Variants in WHRN observed in about 807,000 individuals in gnomAD.
The protein encoded by WHRN is whirlin, also known as CASK-interacting protein CIP98.
WHRN carries 41 observed loss-of-function variants against 68.3 expected under a neutral mutation model. The observed-to-expected ratio is 0.60, with a 90% CI of 0.47 to 0.78. The LOEUF is 0.78. Among genes scored for constraint, WHRN ranks in the 30% least tolerant of loss-of-function variants. The pLI, the probability that WHRN is intolerant of heterozygous loss-of-function variation, is 0.00. For synonymous variants in WHRN, 560 were observed against 561.3 expected (o/e 1.00, Z 0.03); for missense variants, 1,243 against 1,244.7 (o/e 1.00, Z 0.02).
At chr9:114,503,559 A>G (rs1844121105) in intron 1 of WHRN, 1 of 152,612 alleles carries the variant, frequency 6.6e-6, no homozygotes, top group South Asian at 2.1e-4. Context: ...CTCAGGGGCT[A>G]GGGAATTTAT....
chr9:114,448,397 C>T (rs1246393941), intron 3 of WHRN, among the ~76,000 whole-genome samples: 1 of 152,018 alleles, frequency 6.6e-6, no homozygotes, highest in East Asian at 1.9e-4. Flanking sequence ...ACTTCTGGCC[C>T]CCATAACTGA....
chr9:114,430,187 C>G (rs1804322743), intron 3 of WHRN, among the ~76,000 whole-genome samples: 2 of 152,084 alleles, frequency 1.3e-5, no homozygotes, highest in Non-Finnish European at 2.9e-5. Context: ...TGGGTCCAGG[C>G]CAGGAGGGCA....
At chr9:114,492,363 AAAAC>A (rs1249113502) in intron 1 of WHRN, among the ~76,000 whole-genome samples, 1 of 152,256 alleles carries the variant, frequency 6.6e-6, no homozygotes, top group Non-Finnish European at 1.5e-5. Context: ...ATAATATTAA[AAAAC>A]AAACTGTCTA....
At chr9:114,495,849 C>A (rs1367466803) in intron 1 of WHRN, among the ~76,000 whole-genome samples, 2 of 152,158 alleles carry the variant, frequency 1.3e-5, no homozygotes, top group East Asian at 1.9e-4. Flanking sequence ...CCAAACACTA[C>A]AAAGGATGCC....
At chr9:114,426,100 G>T (rs746569160) in intron 4 of WHRN, 111 bp downstream of exon 4, 103 of 1,393,388 alleles carry the variant, frequency 7.4e-5, no homozygotes, top group Non-Finnish European at 1.0e-4. Context: ...CTGGTGTGGG[G>T]ACTGCAGGCT....
intron 1 of WHRN, chr9:114,503,164 T>G: frequency 2.0e-6 from 2 of 985,534 alleles, no homozygotes; most frequent in Non-Finnish European, 2.4e-6. Flanking sequence ...CTCTGCTGCC[T>G]AGGAGTTTCC....
intron 9 of WHRN, among the ~76,000 whole-genome samples, chr9:114,405,103 C>G (rs1488621299): frequency 7.8e-6 from 1 of 127,990 alleles, no homozygotes; most frequent in Admixed American, 8.9e-5. Context: ...GAGACAGATT[C>G]TCACTCTGTC....
chr9:114,503,204 C>G (rs1404208918), intron 1 of WHRN: 1 of 985,356 alleles, frequency 1.0e-6, no homozygotes, highest in African/African-American at 1.7e-5. Context: ...AGCTGGAGTT[C>G]AAAACACCTG....
At chr9:114,484,895 G>C (rs959123035) in intron 1 of WHRN, among the ~76,000 whole-genome samples, 2 of 152,192 alleles carry the variant, frequency 1.3e-5, no homozygotes, top group African/African-American at 4.8e-5. Context: ...ATGATTCTCT[G>C]CTTAGCAGAG....
chr9:114,494,850 C>T (rs1267372822), intron 1 of WHRN, among the ~76,000 whole-genome samples: 1 of 139,252 alleles, frequency 7.2e-6, no homozygotes, highest in African/African-American at 2.5e-5. Context: ...TATTATCATA[C>T]AATGAGCAAC....
chr9:114,424,601 G>A lies in WHRN; in HGVS notation c.1204-55C>T, dbSNP rs1229813934. 9.7e-6 allele frequency: 15 copies of A among 1,540,586 alleles called. No individual in the cohort carries two copies. In the East Asian group the frequency reaches 2.7e-4, roughly 27 times the overall value. ...ATTCTTAGCTGCTCTAGAGCTGAGTGGCCATGCCACTCCCCCTCTGCCCTT... is the reference window on the plus strand; with the variant it reads ...ATTCTTAGCTGCTCTAGAGCTGAGTAGCCATGCCACTCCCCCTCTGCCCTT... On this transcript the variant is annotated intron_variant, in intron 5 of 11. Transcript: ENST00000362057.
intron 3 of WHRN, among the ~76,000 whole-genome samples, chr9:114,437,499 C>A (rs551368400): frequency 1.3e-5 from 2 of 152,178 alleles, no homozygotes; most frequent in Non-Finnish European, 2.9e-5. Context: ...TGTCCCCCCC[C>A]AAATTCCTAC....
intron 3 of WHRN, among the ~76,000 whole-genome samples, chr9:114,446,095 G>A (rs1386400953): frequency 6.6e-6 from 1 of 152,160 alleles, no homozygotes; most frequent in African/African-American, 2.4e-5. Flanking sequence ...ACATCAAGAT[G>A]CCAACAGATG....
chr9:114,469,449 C>T (rs1184895597), intron 2 of WHRN, among the ~76,000 whole-genome samples: 17 of 152,208 alleles, frequency 1.1e-4, no homozygotes, highest in Middle Eastern at 3.2e-3. Context: ...AGGACCAAGG[C>T]GCTCCTCCTC....
At chr9:114,479,695 G>A (rs898655442) in intron 1 of WHRN, among the ~76,000 whole-genome samples, 5 of 152,198 alleles carry the variant, frequency 3.3e-5, no homozygotes, top group Non-Finnish European at 7.3e-5. Context: ...GAGGGGGACT[G>A]CAGAGGGGAA....
At chr9:114,408,142 A>G in intron 7 of WHRN, 124 bp from the exon 8 acceptor site, 1 of 763,800 alleles carries the variant, frequency 1.3e-6, no homozygotes, top group South Asian at 1.5e-5. Context: ...GTGAGCCCTG[A>G]CATACCTCAC....
intron 3 of WHRN, among the ~76,000 whole-genome samples, chr9:114,428,775 TAC>T (rs1837121809): frequency 1.3e-5 from 2 of 152,032 alleles, no homozygotes. Flanking sequence ...ACTCTGCCTT[TAC>T]CCCCCTGAGC....
chr9:114,476,508 C>T (rs1026390789), intron 2 of WHRN, among the ~76,000 whole-genome samples: 1 of 152,134 alleles, frequency 6.6e-6, no homozygotes, highest in African/African-American at 2.4e-5. Context: ...TCAATCAAAA[C>T]AGCCCGTACC....
rs199902215 is a variant in WHRN at position 114,466,440 on chromosome 9, T to G, written c.838-48A>C. ...TTAGAGGGACTGGAGGAGCCATCCC[T>G]TCCGGGGACAGCAGGCTGCAAAGCC... On this transcript the variant is annotated intron_variant, in intron 2 of 11. Transcript: ENST00000362057. 6.5e-4 allele frequency: 1,045 copies of G among 1,611,896 alleles called. 9 individuals carry two copies. The African/African-American group carries it at 0.013, about 20-fold the overall frequency.
Sources: gnomAD v4.1 joint callset for allele counts (sites outside exome capture counted in the v4.1 genomes callset) on GRCh38, gnomAD v4.1.1 for gene constraint, MANE v1.5 for transcripts, NCBI Gene and HGNC (gene_info 2026-07-23, HGNC 2026-07-21) for gene names.